The following AP1G1 variants were observed in gnomAD, a reference collection of about 807,000 sequenced individuals.
AP1G1 encodes AP-1 complex subunit gamma-1.
In AP1G1, 7 loss-of-function variants were observed where a neutral mutation model predicts 108.3. The observed-to-expected ratio is 0.06, with a 90% CI of 0.04 to 0.12. The LOEUF (loss-of-function observed/expected upper bound fraction) is 0.12. AP1G1 is among the 10% of genes least tolerant of loss of function. AP1G1 has a pLI of 1.00. For synonymous variants in AP1G1, 379 were observed against 353.5 expected, an observed-to-expected ratio of 1.07 and a Z score of -0.81; for missense variants, 756 against 1,010.7, an observed-to-expected ratio of 0.75 and a Z score of 3.42.
intron 15 of AP1G1, among the ~76,000 whole-genome samples, chr16:71,749,212 C>T (rs969527325): frequency 6.6e-6 from 1 of 151,824 alleles, no homozygotes; most frequent in African/African-American, 2.4e-5. Flanking sequence ...CCACCACACT[C>T]AGCAATGCCT....
chr16:71,800,524 G>A (rs1352547713), intron 1 of AP1G1, among the ~76,000 whole-genome samples: 5 of 151,330 alleles, frequency 3.3e-5, no homozygotes, highest in South Asian at 2.1e-4. Context: ...GTCTCGGGTC[G>A]GGTGCGGGGG....
At chr16:71,799,687 T>G (rs1438524415) in intron 1 of AP1G1, among the ~76,000 whole-genome samples, 2 of 148,496 alleles carry the variant, frequency 1.3e-5, no homozygotes, top group Non-Finnish European at 3.0e-5. Context: ...GATCATGAAG[T>G]CAGGAGATCA....
At chr16:71,749,360 A>G (rs912072759) in intron 15 of AP1G1, among the ~76,000 whole-genome samples, 1 of 151,902 alleles carries the variant, frequency 6.6e-6, no homozygotes, top group South Asian at 2.1e-4. Flanking sequence ...GTGCCTGCCT[A>G]TAGTCCCAGC....
At chr16:71,750,072 C>CA in intron 14 of AP1G1, 89 bp from the exon 15 acceptor site, 1 of 1,471,216 alleles carries the variant, frequency 6.8e-7, no homozygotes, top group Non-Finnish European at 9.5e-7. Flanking sequence ...TAATAAAGAT[C>CA]AAAACTGTGC....
chr16:71,764,037 A>C (rs1176767762), intron 9 of AP1G1, among the ~76,000 whole-genome samples: 1 of 152,234 alleles, frequency 6.6e-6, no homozygotes, highest in East Asian at 1.9e-4. Context: ...AAAAGAAAAA[A>C]TAATGACTTT....
rs138355091 is a variant in AP1G1, at chr16:71,745,197, G to A, written c.1946C>T (p.Pro649Leu). 1.0e-3 allele frequency: 1,624 copies of A among 1,614,116 alleles called. 15 individuals are homozygous for A. Among genetic ancestry groups the A allele is most frequent in the Non-Finnish European group, 4.6e-4 (544 of 1,180,026 alleles). Residue 649 changes from proline (P) to leucine (L), a missense_variant, in exon 19 of 23, where the codon CCA (proline) becomes CTA (leucine). Pro to Leu is a moderately conservative substitution (Grantham distance 98). Around this residue, in one of 3 missense-constraint regions of AP1G1, gnomAD observed 357 missense variants for 366.5 expected, o/e 0.97. Coordinates refer to ENST00000299980, the MANE Select transcript of AP1G1 (RefSeq NM_001128.6). Reference sequence around the variant, plus strand: ...AAGAAGTTCTCCACCAGCAGAAGATGGTTTGCTTGTAGGCGCAGTTGGAAT... The same window carrying A: ...AAGAAGTTCTCCACCAGCAGAAGATAGTTTGCTTGTAGGCGCAGTTGGAAT... The part of the protein sequence containing the change: ...PVIPTAPTSK[P>L]SSAGGELLDL...
intron 16 of AP1G1, among the ~76,000 whole-genome samples, chr16:71,747,612 C>G (rs1278162195): frequency 6.6e-6 from 1 of 151,196 alleles, no homozygotes; most frequent in African/African-American, 2.4e-5. Flanking sequence ...TACAAATAAA[C>G]CAAAACCTTT....
At chr16:71,759,735 A>G (rs374580872) in intron 10 of AP1G1, among the ~76,000 whole-genome samples, 18 of 150,122 alleles carry the variant, frequency 1.2e-4, no homozygotes, top group Admixed American at 9.3e-4. Flanking sequence ...ACTCCAGCCT[A>G]GGCGACAGAG....
intron 1 of AP1G1, among the ~76,000 whole-genome samples, chr16:71,795,960 G>C (rs1241859606): frequency 6.6e-6 from 1 of 152,220 alleles, no homozygotes; most frequent in Admixed American, 6.5e-5. Flanking sequence ...GGATAGGCCA[G>C]GCGTGGTGGC....
chr16:71,790,527 CAAA>C (rs56380847), intron 1 of AP1G1, among the ~76,000 whole-genome samples: 4 of 104,822 alleles, frequency 3.8e-5, no homozygotes, highest in Admixed American at 9.2e-5. Context: ...AACTCCATCT[CAAA>C]AAAAAAAAAA....
At chr16:71,801,299 A>AC (rs1186606593) in intron 1 of AP1G1, among the ~76,000 whole-genome samples, 1 of 150,904 alleles carries the variant, frequency 6.6e-6, no homozygotes, top group Non-Finnish European at 1.5e-5. Flanking sequence ...AAACAAACAA[A>AC]AAAAAAGAAT....
intron 2 of AP1G1, among the ~76,000 whole-genome samples, chr16:71,778,901 A>T (rs1278272460): frequency 6.6e-6 from 1 of 152,196 alleles, no homozygotes; most frequent in Non-Finnish European, 1.5e-5. Flanking sequence ...AATCAATTAC[A>T]TGCATCTGCC....
At chr16:71,740,488 A>C (rs965536737) in intron 19 of AP1G1, among the ~76,000 whole-genome samples, 1 of 152,222 alleles carries the variant, frequency 6.6e-6, no homozygotes, top group Admixed American at 6.5e-5. Context: ...GAAATACTGG[A>C]AACAACCAAA....
intron 21 of AP1G1, among the ~76,000 whole-genome samples, chr16:71,735,772 T>TA (rs901480718): frequency 7.2e-5 from 11 of 151,922 alleles, no homozygotes; most frequent in Non-Finnish European, 1.5e-4. Context: ...ACTTCTAAAA[T>TA]ATTTGAGAGA....
chr16:71,774,762 C>T (rs2031711466), intron 2 of AP1G1, among the ~76,000 whole-genome samples, 170 bp from the exon 3 acceptor site: 3 of 152,072 alleles, frequency 2.0e-5, no homozygotes, highest in Admixed American at 2.0e-4. Context: ...CTCTGGTTGG[C>T]CAGGCTGGAG....
intron 16 of AP1G1, among the ~76,000 whole-genome samples, chr16:71,747,793 G>A (rs193072811): frequency 2.6e-5 from 4 of 151,890 alleles, no homozygotes; most frequent in South Asian, 4.2e-4. Context: ...ACCAGCCTGG[G>A]CAAACAAACG....
intron 17 of AP1G1, 42 bp downstream of exon 17, chr16:71,746,546 G>A: frequency 8.2e-7 from 1 of 1,217,508 alleles, no homozygotes; most frequent in Middle Eastern, 1.9e-4. Context: ...ATTTAGTCAG[G>A]ATGCTAAGAG....
intron 21 of AP1G1, among the ~76,000 whole-genome samples, 184 bp downstream of exon 21, chr16:71,738,758 T>A (rs2045581916): frequency 6.6e-6 from 1 of 152,214 alleles, no homozygotes; most frequent in Admixed American, 6.5e-5. Context: ...ACTTGTAACC[T>A]AGTAAAAATT....
chr16:71,800,796 G>A (rs1415408979), intron 1 of AP1G1, among the ~76,000 whole-genome samples: 7 of 148,964 alleles, frequency 4.7e-5, no homozygotes, highest in African/African-American at 1.5e-4. Context: ...GCGAGACTCC[G>A]TCTCAAAAAA....
Sources: gnomAD v4.1 joint callset for allele counts (sites outside exome capture counted in the v4.1 genomes callset) on GRCh38, gnomAD v4.1.1 for gene constraint, gnomAD v4.1.1 regional missense constraint, MANE v1.5 for transcripts, NCBI Gene and HGNC (gene_info 2026-07-23, HGNC 2026-07-21) for gene names.